Variants in DCAF6 observed in about 807,000 individuals in gnomAD.
DCAF6 encodes DDB1 and CUL4 associated factor 6, also known as DDB1- and CUL4-associated factor 6.
DCAF6 carries 54 observed loss-of-function variants against 125.1 expected under a neutral mutation model. The ratio of observed to expected loss-of-function variants is 0.43; its 90% confidence interval spans 0.35 to 0.54. The LOEUF (loss-of-function observed/expected upper bound fraction) is 0.54, where lower values mean the gene tolerates loss of function less well. Among genes scored for constraint, DCAF6 ranks in the 20% least tolerant of loss-of-function variants. The pLI, the probability that DCAF6 is intolerant of heterozygous loss-of-function variation, is 0.01. For synonymous variants in DCAF6, 371 were observed against 390.4 expected (o/e 0.95, Z 0.58); for missense variants, 934 against 1,161.7 (o/e 0.80, Z 2.85).
the DCAF6 span, chr1:167,870,451 G>A: frequency 2.2e-4 from 328 of 1,520,794 alleles, no homozygotes; most frequent in African/African-American, 3.5e-3. Flanking sequence ...CTCAATCAAC[G>A]TAAAATAGTC....
chr1:167,869,122 C>T, the DCAF6 span, among the ~76,000 whole-genome samples: 11 of 152,110 alleles, frequency 7.2e-5, no homozygotes, highest in African/African-American at 2.4e-4. Context: ...CACATATGCC[C>T]GTACGAGTGT....
chr1:168,040,256 G>A (rs1353243056), intron 13 of DCAF6, among the ~76,000 whole-genome samples: 1 of 151,998 alleles, frequency 6.6e-6, no homozygotes, highest in Non-Finnish European at 1.5e-5. Flanking sequence ...TATGTTCAAG[G>A]ATCTTAAGAA....
Position 168,045,029 on chromosome 1 carries a change from C to G in DCAF6, c.2060C>G (p.Thr687Ser). The G allele has an allele frequency of 6.2e-7, 1 of 1,614,094 alleles. No homozygotes were observed. The highest frequency in any genetic ancestry group is 8.5e-7 in the Non-Finnish European group (1 of 1,179,960). The change falls in exon 16 of 22, where the codon ACT becomes AGT. Residue 687 changes from threonine (T) to serine (S), a missense_variant. This residue lies in a region of DCAF6 where 559 missense variants were observed against 635.5 expected (regional missense o/e 0.88). Coordinates refer to ENST00000367840, the MANE Select transcript of DCAF6 (RefSeq NM_001198956.2). The stretch of plus-strand genomic sequence containing the variant: ...TCTGAAAAAGCCAAGGAACCAGAAA[C>G]TTCAGATCAGACTAGCACTGAGAGT... ...ASSEKAKEPE[T>S]SDQTSTESAT...
chr1:168,052,782 T>C (rs1690110956), intron 17 of DCAF6, among the ~76,000 whole-genome samples: 1 of 152,220 alleles, frequency 6.6e-6, no homozygotes, highest in Middle Eastern at 3.2e-3. Context: ...TCATCCCCTA[T>C]TCTTCATTCT....
upstream of DCAF6, chr1:167,935,631 T>A: frequency 1.1e-6 from 1 of 887,606 alleles, no homozygotes; most frequent in East Asian, 2.7e-5. Context: ...GGATTGGGGC[T>A]GTGGATGCCT....
intron 12 of DCAF6, among the ~76,000 whole-genome samples, chr1:168,034,146 T>G (rs982967176): frequency 6.6e-6 from 1 of 152,244 alleles, no homozygotes; most frequent in Non-Finnish European, 1.5e-5. Context: ...AAATAGTTAC[T>G]TATCTAAGTA....
chr1:168,057,792 T>A (rs1030591945), intron 17 of DCAF6, among the ~76,000 whole-genome samples: 2 of 152,190 alleles, frequency 1.3e-5, no homozygotes, highest in African/African-American at 4.8e-5. Context: ...AGAATTGTAT[T>A]TTTATAATTC....
the DCAF6 span, among the ~76,000 whole-genome samples, chr1:167,894,404 T>G: frequency 6.6e-6 from 1 of 152,112 alleles, no homozygotes; most frequent in Non-Finnish European, 1.5e-5. Context: ...AGAAGTCACT[T>G]TGCTGCCCTG....
chr1:167,953,187 G>A (rs1674249346), intron 2 of DCAF6, among the ~76,000 whole-genome samples: 1 of 152,040 alleles, frequency 6.6e-6, no homozygotes, highest in Admixed American at 6.6e-5. Flanking sequence ...TTCAAAAGAT[G>A]ATCCAAGGAC....
chr1:167,989,635 C>T (rs978302210), intron 5 of DCAF6, among the ~76,000 whole-genome samples: 5 of 152,164 alleles, frequency 3.3e-5, no homozygotes, highest in African/African-American at 9.7e-5. Flanking sequence ...GTAATCCCAG[C>T]ACTTTGGGAG....
the DCAF6 span, among the ~76,000 whole-genome samples, chr1:167,904,290 G>A: frequency 6.6e-6 from 1 of 152,036 alleles, no homozygotes; most frequent in Non-Finnish European, 1.5e-5. Flanking sequence ...GTTTCACCAT[G>A]TTAGCCAGGA....
At chr1:168,022,523 T>A (rs1365136700) in intron 11 of DCAF6, among the ~76,000 whole-genome samples, 3 of 152,222 alleles carry the variant, frequency 2.0e-5, no homozygotes, top group Non-Finnish European at 4.4e-5. Context: ...AAGATCTTGA[T>A]GTTAGCTCCT....
At chr1:167,887,466 G>A in the DCAF6 span, among the ~76,000 whole-genome samples, 1 of 152,078 alleles carries the variant, frequency 6.6e-6, no homozygotes, top group Non-Finnish European at 1.5e-5. Context: ...AACACCACAT[G>A]TTCTCACTCA....
In DCAF6 at chr1:167,936,794, C is replaced by T. The variant is rs1671293894; in HGVS notation, c.-118C>T. The T allele has an allele frequency of 4.4e-6, 4 of 917,350 alleles. No individual in the cohort carries two copies. The South Asian group carries it at 4.8e-5, about 11-fold the overall frequency. The allele number at this position is 917,350 out of a possible 1,614,324, so 56.8% of individuals were successfully genotyped here. ...TGCCACCGCCATCTAACGCTGCGCC[C>T]TGGAGGCCCGGCGCGCGGATGGTGC... is the stretch of plus-strand genomic sequence containing the variant. On this transcript the variant is annotated 5_prime_UTR_variant, in exon 1 of 22. Coordinates refer to ENST00000367840, the MANE Select transcript of DCAF6 (RefSeq NM_001198956.2).
At chr1:168,013,935 A>T (rs1386128375) in intron 10 of DCAF6, among the ~76,000 whole-genome samples, 1 of 151,922 alleles carries the variant, frequency 6.6e-6, no homozygotes, top group Admixed American at 6.6e-5. Context: ...ACAGGATCTC[A>T]CTGTGTTGCC....
chr1:168,018,723 T>C (rs1685293656), intron 11 of DCAF6, among the ~76,000 whole-genome samples: 1 of 152,202 alleles, frequency 6.6e-6, no homozygotes. Flanking sequence ...AAATACACCA[T>C]AACTTGTTTT....
At chr1:167,931,889 A>C (rs1670922524), upstream of DCAF6, among the ~76,000 whole-genome samples, 1 of 152,178 alleles carries the variant, frequency 6.6e-6, no homozygotes, top group Non-Finnish European at 1.5e-5. Context: ...TAGGTCTTTA[A>C]AATTAAACAA....
rs769074638 is a variant in DCAF6, at chr1:168,068,458, G to A, written c.2786G>A (p.Arg929Gln). Residue 929 changes from arginine (R) to glutamine (Q), a missense_variant, in exon 21 of 22, where the codon CGA becomes CAA. Physicochemically the swap from Arg to Gln is conservative, Grantham distance 43. Transcript: ENST00000367840. ...ATGTTGGCTTCACTTAATCATATCC[G>A]AGCTGGTAGGAACTTTAAGTATACT... ...LRMLASLNHI[R>Q]ADRLEGDRSE... 4 of 1,489,136 alleles carry A rather than the reference G, an allele frequency of 2.7e-6. No homozygotes were observed. The highest frequency in any genetic ancestry group is 2.2e-5 in the Admixed American group (1 of 46,282). 92.2% of individuals were successfully genotyped at this position (1,489,136 alleles called of 1,614,324 possible).
At chr1:167,902,858 A>G in the DCAF6 span, among the ~76,000 whole-genome samples, 3 of 152,386 alleles carry the variant, frequency 2.0e-5, no homozygotes, top group Admixed American at 6.5e-5. Flanking sequence ...AGCATCCATC[A>G]TTAGGAGACA....
Sources: gnomAD v4.1 joint callset for allele counts (sites outside exome capture counted in the v4.1 genomes callset) on GRCh38, gnomAD v4.1.1 for gene constraint, gnomAD v4.1.1 regional missense constraint, MANE v1.5 for transcripts, NCBI Gene and HGNC (gene_info 2026-07-23, HGNC 2026-07-21) for gene names.